RASL10A: variants seen among roughly 807,000 people sequenced by gnomAD.
The protein encoded by RASL10A is ras-like protein family member 10A.
RASL10A carries 13 observed loss-of-function variants against 17.3 expected under a neutral mutation model. That is an observed-to-expected ratio of 0.75 (90% confidence interval 0.49 to 1.20). RASL10A has a LOEUF of 1.20. RASL10A is among the 50% of genes most tolerant of loss of function. The probability of loss-of-function intolerance (pLI) is 0.00; values close to 1 mark genes in which losing one functional copy is unlikely to be tolerated. For synonymous variants in RASL10A, 159 were observed against 142.2 expected, an observed-to-expected ratio of 1.12 and a Z score of -0.84; for missense variants, 307 against 310.3, an observed-to-expected ratio of 0.99 and a Z score of 0.08.
At chr22:29,317,135 G>C (rs959913236), upstream of RASL10A, 6 of 152,246 alleles carry the variant, frequency 3.9e-5, no homozygotes, top group African/African-American at 1.2e-4. Context: ...AGTGTTCCAG[G>C]TCTTCTAGCT....
upstream of RASL10A, among the ~76,000 whole-genome samples, chr22:29,319,064 G>A (rs1333568829): frequency 2.7e-5 from 4 of 150,890 alleles, no homozygotes; most frequent in East Asian, 8.0e-4. Context: ...GCAGGCACCA[G>A]GTGGGGAATT....
At position 29,313,089 on chromosome 22, in the gene RASL10A, G is replaced by T; in HGVS notation, c.*212C>A. ...ACCCATTGAGGTCCCAGAAAGGACT[G>T]GTCATCTCCAATGGAGCTTGGGACC... On this transcript the variant is annotated 3_prime_UTR_variant, in exon 3 of 3. Transcript: ENST00000216101. 1.9e-6 allele frequency: 1 copy of T among 537,504 alleles called. No homozygotes were observed. Among genetic ancestry groups the T allele is most frequent in the Non-Finnish European group, 3.1e-6 (1 of 327,362 alleles). 33.3% of individuals were successfully genotyped at this position (537,504 alleles called of 1,614,324 possible).
chr22:29,316,390 C>G (rs1409522813), upstream of RASL10A, among the ~76,000 whole-genome samples: 1 of 152,214 alleles, frequency 6.6e-6, no homozygotes. Context: ...AGCTTAGCCC[C>G]AGATCCCTGT....
chr22:29,313,507 G>T lies in RASL10A; in HGVS notation c.406C>A (p.Leu136Met). ...VVGNKRDRQR[L>M]RFGPRRALAA... ...AGCGCGCGCCGCGGTCCGAAGCGCAGCCGCTGCCTGTCCCGCTTGTTGCCT... is the reference window on the plus strand; with the variant it reads ...AGCGCGCGCCGCGGTCCGAAGCGCATCCGCTGCCTGTCCCGCTTGTTGCCT... The change falls in exon 3 of 3, where the codon CTG (leucine) becomes ATG (methionine). Residue 136 changes from leucine (L) to methionine (M), a missense_variant. Leu to Met is a conservative substitution (Grantham distance 15). Coordinates refer to ENST00000216101, the MANE Select transcript of RASL10A (RefSeq NM_006477.5). The T allele has an allele frequency of 6.4e-7, 1 of 1,570,616 alleles. No homozygotes were observed.
upstream of RASL10A, among the ~76,000 whole-genome samples, chr22:29,316,213 G>C (rs1196715115): frequency 6.6e-6 from 1 of 152,252 alleles, no homozygotes; most frequent in Non-Finnish European, 1.5e-5. Context: ...AAACAGGCCC[G>C]AGAGGGGAAT....
chr22:29,313,193 G>A lies in RASL10A; in HGVS notation c.*108C>T. The A allele has an allele frequency of 3.7e-6, 5 of 1,343,426 alleles. No homozygotes were observed. The highest frequency in any genetic ancestry group is 2.5e-4 in the Middle Eastern group (1 of 3,996). 83.2% of individuals were successfully genotyped at this position (1,343,426 alleles called of 1,614,324 possible). On this transcript the variant is annotated 3_prime_UTR_variant, in exon 3 of 3. Coordinates refer to ENST00000216101, the MANE Select transcript of RASL10A (RefSeq NM_006477.5). ...GGAGCTTTCCTCATCCAATCAGGGC[G>A]GAGACTTCCCTGTCCAGTCCCAGTG... is the stretch of plus-strand genomic sequence containing the variant.
chr22:29,312,938 T>G lies in RASL10A; in HGVS notation c.*363A>C. On this transcript the variant is annotated 3_prime_UTR_variant, in exon 3 of 3. Coordinates refer to ENST00000216101, the MANE Select transcript of RASL10A (RefSeq NM_006477.5). ...CCCAGAAATCCCAGGCGCACTCAAA[T>G]TATTTTCCCTTTTATTATCCCGTGG... 1 of 300,494 alleles carries G rather than the reference T, an allele frequency of 3.3e-6. No homozygotes were observed. Among genetic ancestry groups the G allele is most frequent in the Non-Finnish European group, 6.1e-6 (1 of 164,228 alleles). 18.6% of individuals were successfully genotyped at this position (300,494 alleles called of 1,614,324 possible). A position where few individuals can be genotyped will look rare whatever the true frequency, so the allele number is the denominator to read the frequency against.
At chr22:29,318,207 A>G (rs780890822), upstream of RASL10A, among the ~76,000 whole-genome samples, 3 of 152,216 alleles carry the variant, frequency 2.0e-5, no homozygotes, top group Non-Finnish European at 4.4e-5. Flanking sequence ...CAAACGTGCC[A>G]TGTTCCCTAG....
chr22:29,315,060 C>T lies in RASL10A; in HGVS notation c.187G>A (p.Ala63Thr). ...YDLSIRDGDV[A>T]GPGSSPGGPE... is the part of the protein sequence containing the mutation. ...CCCCCGGGGCTCGAGCCGGGGCCAG[C>T]GACGTCGCCGTCGCGGATGCTCAAG... The change falls in exon 1 of 3, where the codon GCT (alanine) becomes ACT (threonine). Residue 63 changes from alanine (A) to threonine (T), a missense_variant. By Grantham distance (58) the Ala-to-Thr change is moderately conservative. Coordinates refer to ENST00000216101, the MANE Select transcript of RASL10A (RefSeq NM_006477.5). This position sits in a 1 kb window ranked among gnomAD's most constrained non-coding sequence, Gnocchi z 5.5. 1 of 1,517,382 alleles carries T rather than the reference C, an allele frequency of 6.6e-7. No individual in the cohort carries two copies. The highest frequency in any genetic ancestry group is 8.8e-7 in the Non-Finnish European group (1 of 1,136,764). The allele number at this position is 1,517,382 out of a possible 1,614,324, so 94.0% of individuals were successfully genotyped here.
In RASL10A at chr22:29,313,384, A is replaced by C. The variant is rs941078985; in HGVS notation, c.529T>G (p.Cys177Gly). 1 of 1,543,606 alleles carries C rather than the reference A, an allele frequency of 6.5e-7. No homozygotes were observed. The highest frequency in any genetic ancestry group is 2.0e-5 in the Admixed American group (1 of 50,918). Residue 177 changes from cysteine (C) to glycine (G), a missense_variant, in exon 3 of 3, where the codon TGC (cysteine) becomes GGC (glycine). Cys to Gly is a radical substitution (Grantham distance 159). Transcript: ENST00000216101. ...VLRLFRELLR[C>G]ALVRARPAHP... ...GCAGGGCGCGCGCGCACCAGAGCGC[A>C]GCGCAGCAGCTCGCGGAAGAGACGC... is the stretch of plus-strand genomic sequence containing the variant.
chr22:29,316,243 G>T (rs2061453610), upstream of RASL10A, among the ~76,000 whole-genome samples: 2 of 152,230 alleles, frequency 1.3e-5, no homozygotes, highest in African/African-American at 4.8e-5. Flanking sequence ...TAGAAGGGCA[G>T]TGGGGGGGCC....
Position 29,315,555 on chromosome 22 carries a change from A to C in RASL10A, c.-309T>G. 5.7e-6 allele frequency: 1 copy of C among 176,494 alleles called. No homozygotes were observed. Among genetic ancestry groups the C allele is most frequent in the Non-Finnish European group, 1.2e-5 (1 of 84,414 alleles). The allele number at this position is 176,494 out of a possible 1,614,324, so 10.9% of individuals were successfully genotyped here. On this transcript the variant is annotated 5_prime_UTR_variant, in exon 1 of 3. Transcript: ENST00000216101. This position sits in a 1 kb window ranked among gnomAD's most constrained non-coding sequence, Gnocchi z 5.5. ...ACACCGCCTCCGCCCCGCAGCGCCA[A>C]CCCAGGCGCCGGCGGACGCGCGAGG...
chr22:29,313,832 C>G, intron 2 of RASL10A, 31 bp downstream of exon 2: 1 of 1,610,538 alleles, frequency 6.2e-7, no homozygotes. Flanking sequence ...CCTGTCCTAG[C>G]TCCCCACCGC....
rs1307009265 is a variant in RASL10A at position 29,313,643 on chromosome 22, G to C, written c.345-75C>G. 2.1e-6 allele frequency: 3 copies of C among 1,448,230 alleles called. No homozygotes were observed. The African/African-American group carries it at 4.3e-5, about 21-fold the overall frequency. The allele number at this position is 1,448,230 out of a possible 1,614,324, so 89.7% of individuals were successfully genotyped here. On this transcript the variant is annotated intron_variant, in intron 2 of 2. Transcript: ENST00000216101. Reference sequence around the variant, plus strand: ...TTCCCCCAGTGGGTATACACACGCAGGCGCATTCCCTTCCTACGGCCAGAG... The same window carrying C: ...TTCCCCCAGTGGGTATACACACGCACGCGCATTCCCTTCCTACGGCCAGAG...
At chr22:29,314,813 G>A (rs2061443147) in intron 1 of RASL10A, among the ~76,000 whole-genome samples, 1 of 152,184 alleles carries the variant, frequency 6.6e-6, no homozygotes, top group African/African-American at 2.4e-5. Context: ...GCAAGGGAAC[G>A]CCCCTGGGCA....
chr22:29,313,012 C>T lies in RASL10A; in HGVS notation c.*289G>A. On this transcript the variant is annotated 3_prime_UTR_variant, in exon 3 of 3. Coordinates refer to ENST00000216101, the MANE Select transcript of RASL10A (RefSeq NM_006477.5). ...CCAGTGAAGCTCCAGGAGCAGGCTG[C>T]GTGTTTCCAGTCAAGTTCATAGCCA... 2.5e-6 allele frequency: 1 copy of T among 402,432 alleles called. No homozygotes were observed. Among genetic ancestry groups the T allele is most frequent in the Non-Finnish European group, 4.4e-6 (1 of 228,956 alleles). The allele number at this position is 402,432 out of a possible 1,614,324, so 24.9% of individuals were successfully genotyped here.
Position 29,313,549 on chromosome 22 carries a change from C to T in RASL10A, c.364G>A (p.Ala122Thr), listed in dbSNP as rs1186547566. ...AETRPAGAPE[A>T]PILVVGNKRD... ...TTGTTGCCTACCACGAGGATGGGCG[C>T]TTCGGGCGCGCCCGCCGGCCTGGGG... The change falls in exon 3 of 3, where the codon GCG (alanine) becomes ACG (threonine). Residue 122 changes from alanine (A) to threonine (T), a missense_variant. Ala to Thr is a moderately conservative substitution (Grantham distance 58). Transcript: ENST00000216101. 7 of 1,537,626 alleles carry T rather than the reference C, an allele frequency of 4.6e-6. No homozygotes were observed. The South Asian group carries it at 7.3e-5, about 16-fold the overall frequency.
At position 29,315,301 on chromosome 22, in the gene RASL10A, ACCGTGCGCCCCCAGG is replaced by A. The variant is rs1169776345; in HGVS notation, c.-70_-56del. On this transcript the variant is annotated 5_prime_UTR_variant, in exon 1 of 3. Transcript: ENST00000216101. This position sits in a 1 kb window ranked among gnomAD's most constrained non-coding sequence, Gnocchi z 5.5. The stretch of plus-strand genomic sequence containing the variant: ...GGAAAGCCTCATGGGCCGGCGCCGC[ACCGTGCGCCCCCAGG>A]CCGTGCGCCCCGCGCGCCCTGCCCG... 4 of 1,296,226 alleles carry A rather than the reference ACCGTGCGCCCCCAGG, an allele frequency of 3.1e-6. No individual in the cohort carries two copies. The highest frequency in any genetic ancestry group is 1.8e-5 in the South Asian group (1 of 56,356). 80.3% of individuals were successfully genotyped at this position (1,296,226 alleles called of 1,614,324 possible).
rs948984697 is a variant in RASL10A, at chr22:29,313,420, A to G, written c.493T>C (p.Trp165Arg). 9 of 1,541,614 alleles carry G rather than the reference A, an allele frequency of 5.8e-6. No individual in the cohort carries two copies. The African/African-American group carries it at 1.2e-4, about 21-fold the overall frequency. ...GYLECSAKYN[W>R]HVLRLFRELL... ...TCGCGGAAGAGACGCAGCACGTGCC[A>G]GTTGTACTTGGCGGAGCACTCGAGG... is the stretch of plus-strand genomic sequence containing the variant. Residue 165 changes from tryptophan (W) to arginine (R), a missense_variant, in exon 3 of 3, where the codon TGG becomes CGG. By Grantham distance (101) the Trp-to-Arg change is moderately radical. Coordinates refer to ENST00000216101, the MANE Select transcript of RASL10A (RefSeq NM_006477.5).
Sources: allele counts gnomAD v4.1 joint callset (sites outside exome capture counted in the v4.1 genomes callset), GRCh38; gene constraint gnomAD v4.1.1; non-coding constraint Gnocchi (gnomAD v3.1); transcripts MANE v1.5; gene names NCBI Gene and HGNC (gene_info 2026-07-23, HGNC 2026-07-21).